Variants in ENTHD1 observed in about 807,000 individuals in gnomAD.
The protein encoded by ENTHD1 is ENTH domain containing 1.
ENTHD1 carries 23 observed loss-of-function variants against 39.1 expected under a neutral mutation model. That is an observed-to-expected ratio of 0.59 (90% CI 0.42 to 0.83). ENTHD1 has a LOEUF of 0.83. ENTHD1 is among the 40% of genes least tolerant of loss of function. ENTHD1 has a pLI of 0.00. For synonymous variants in ENTHD1, 230 were observed against 258.2 expected (o/e 0.89, Z 1.05); for missense variants, 624 against 705.4 (o/e 0.88, Z 1.31).
chr22:39,793,106 T>C (rs1277476504), intron 5 of ENTHD1, among the ~76,000 whole-genome samples: 1 of 152,202 alleles, frequency 6.6e-6, no homozygotes, highest in Non-Finnish European at 1.5e-5. Flanking sequence ...TTATTCCCTA[T>C]CTTTTTGATA....
chr22:39,825,995 C>T lies in ENTHD1; in HGVS notation c.712-4882G>A, dbSNP rs144412117. Reference sequence around the variant, plus strand: ...GGTTCGAGTGATTCTCATGCCTCAGCCTCTTGAGTAGCTGGGACTATAGGC... The same window carrying T: ...GGTTCGAGTGATTCTCATGCCTCAGTCTCTTGAGTAGCTGGGACTATAGGC... On this transcript the variant is annotated intron_variant, in intron 4 of 6. Coordinates refer to ENST00000325157, the MANE Select transcript of ENTHD1 (RefSeq NM_152512.4). Among the ~76,000 whole-genome samples, 7 of 152,306 alleles carry T rather than the reference C, an allele frequency of 4.6e-5. No individual in the cohort carries two copies. The East Asian group carries it at 1.3e-3, about 29-fold the overall frequency.
chr22:39,774,598 C>T (rs1359071331), intron 5 of ENTHD1, among the ~76,000 whole-genome samples: 1 of 152,166 alleles, frequency 6.6e-6, no homozygotes, highest in Non-Finnish European at 1.5e-5. Context: ...TCTACACAGC[C>T]CAGCCAGAGT....
intron 5 of ENTHD1, among the ~76,000 whole-genome samples, chr22:39,793,904 G>A (rs976486255): frequency 2.0e-5 from 3 of 152,054 alleles, no homozygotes; most frequent in African/African-American, 7.2e-5. Context: ...TGTCTCTCCT[G>A]GTTTGTTTTC....
At chr22:39,775,079 T>C (rs1160405403) in intron 5 of ENTHD1, among the ~76,000 whole-genome samples, 1 of 152,216 alleles carries the variant, frequency 6.6e-6, no homozygotes, top group Non-Finnish European at 1.5e-5. Context: ...TGCTATTACA[T>C]AGTACAATGT....
chr22:39,831,834 A>AAAAT (rs1555934619), intron 4 of ENTHD1, among the ~76,000 whole-genome samples: 1 of 152,176 alleles, frequency 6.6e-6, no homozygotes, highest in Non-Finnish European at 1.5e-5. Context: ...CTCAAAAAAC[A>AAAAT]AAACAAACAA....
intron 4 of ENTHD1, among the ~76,000 whole-genome samples, chr22:39,834,825 C>A (rs1377919897): frequency 6.6e-6 from 1 of 152,208 alleles, no homozygotes; most frequent in Non-Finnish European, 1.5e-5. Context: ...ATGTGACAAC[C>A]TGTCGGCCCC....
At position 39,887,828 on chromosome 22, in the gene ENTHD1, G is replaced by C; in HGVS notation, c.-80C>G. On this transcript the variant is annotated 5_prime_UTR_variant, in exon 2 of 7. Coordinates refer to ENST00000325157, the MANE Select transcript of ENTHD1 (RefSeq NM_152512.4). ...TATGTCACGGGTTTATAAAACTCTT[G>C]ACAGGTAATTGGTCCCCAGTTCTGC... 9.7e-6 allele frequency: 10 copies of C among 1,028,864 alleles called. No homozygotes were observed. The South Asian group carries it at 1.7e-4, about 17-fold the overall frequency. The allele number at this position is 1,028,864 out of a possible 1,614,324, so 63.7% of individuals were successfully genotyped here.
intron 1 of ENTHD1, among the ~76,000 whole-genome samples, chr22:39,888,329 G>A (rs1467297147): frequency 1.4e-5 from 2 of 141,154 alleles, no homozygotes; most frequent in African/African-American, 5.3e-5. Context: ...GTACAGTGGT[G>A]CAATCATAGC....
Position 39,867,400 on chromosome 22 carries a change from C to T in ENTHD1, c.350-5393G>A, listed in dbSNP as rs923027664. Among the ~76,000 whole-genome samples the T allele has an allele frequency of 3.3e-5, 5 of 152,024 alleles. No homozygotes were observed. In the South Asian group the frequency reaches 8.3e-4, roughly 25 times the overall value. On this transcript the variant is annotated intron_variant, in intron 2 of 6. Coordinates refer to ENST00000325157, the MANE Select transcript of ENTHD1 (RefSeq NM_152512.4). This position sits in a 1 kb window ranked among gnomAD's most constrained non-coding sequence, Gnocchi z 4.5. ...TCTCTATTCCTGACCTACTGCCCTA[C>T]CAAAATCTACTCTTCTTCCCATATT...
intron 6 of ENTHD1, among the ~76,000 whole-genome samples, chr22:39,762,746 C>T (rs2065245725): frequency 6.6e-6 from 1 of 152,086 alleles, no homozygotes; most frequent in Non-Finnish European, 1.5e-5. Context: ...AGTCACTGTA[C>T]CAGGTCCATT....
At chr22:39,759,416 ACT>A (rs2065211801) in intron 6 of ENTHD1, among the ~76,000 whole-genome samples, 1 of 151,500 alleles carries the variant, frequency 6.6e-6, no homozygotes, top group Admixed American at 6.6e-5. Context: ...TGTTCATAAT[ACT>A]CTCTCATAAT....
At chr22:39,757,860 C>T (rs963262486) in intron 6 of ENTHD1, among the ~76,000 whole-genome samples, 5 of 151,904 alleles carry the variant, frequency 3.3e-5, no homozygotes, top group African/African-American at 7.3e-5. Flanking sequence ...TGAATTCTCA[C>T]GAGATCTGAT....
intron 5 of ENTHD1, among the ~76,000 whole-genome samples, chr22:39,798,884 C>T (rs1304292638): frequency 6.6e-6 from 1 of 152,122 alleles, no homozygotes; most frequent in Non-Finnish European, 1.5e-5. Context: ...ATGGAGTGTG[C>T]AGTCCACTCC....
At chr22:39,871,647 G>A (rs1478115401) in intron 2 of ENTHD1, among the ~76,000 whole-genome samples, 1 of 152,188 alleles carries the variant, frequency 6.6e-6, no homozygotes, top group Admixed American at 6.5e-5. Context: ...TCGTCCATCT[G>A]AGTACAATAA....
At chr22:39,842,536 G>A (rs150801404) in intron 3 of ENTHD1, among the ~76,000 whole-genome samples, 35 of 152,142 alleles carry the variant, frequency 2.3e-4, no homozygotes, top group African/African-American at 8.0e-4. Flanking sequence ...CACCATTCAG[G>A]ACATAGGCAT....
intron 3 of ENTHD1, among the ~76,000 whole-genome samples, chr22:39,860,001 C>A (rs572980959): frequency 6.6e-6 from 1 of 152,176 alleles, no homozygotes; most frequent in African/African-American, 2.4e-5. Flanking sequence ...TCTCTCATTA[C>A]GTGACCTAAA....
At chr22:39,857,762 T>C (rs1349169749) in intron 3 of ENTHD1, among the ~76,000 whole-genome samples, 1 of 152,168 alleles carries the variant, frequency 6.6e-6, no homozygotes, top group Non-Finnish European at 1.5e-5. Flanking sequence ...AAAGTTATGT[T>C]TACATTAGAC....
At chr22:39,765,130 CAGAA>C (rs2065264388) in intron 6 of ENTHD1, 89 bp downstream of exon 6, 25 of 1,434,542 alleles carry the variant, frequency 1.7e-5, no homozygotes, top group South Asian at 3.1e-5. Flanking sequence ...AAAAAGGAGA[CAGAA>C]AGCAGAGAAA....
At position 39,827,014 on chromosome 22, in the gene ENTHD1, A is replaced by ATT. The variant is rs1269713696; in HGVS notation, c.712-5903_712-5902dup. ...AAGCGCATGCCACCATGCCCAACTA[A>ATT]TTTTTTTTTTTTTTTTTTTGAGACA... On this transcript the variant is annotated intron_variant, in intron 4 of 6. Transcript: ENST00000325157. Among the ~76,000 whole-genome samples the ATT allele has an allele frequency of 3.9e-3, 528 of 135,840 alleles. 8 individuals carry two copies. Among genetic ancestry groups the ATT allele is most frequent in the East Asian group, 0.035 (168 of 4,764 alleles). 89.1% of individuals were successfully genotyped at this position (135,840 alleles called of 152,430 possible).
Sources: allele counts gnomAD v4.1 joint callset (sites outside exome capture counted in the v4.1 genomes callset), GRCh38; gene constraint gnomAD v4.1.1; non-coding constraint Gnocchi (gnomAD v3.1); transcripts MANE v1.5; gene names NCBI Gene and HGNC (gene_info 2026-07-23, HGNC 2026-07-21).